Variants in SHE observed in about 807,000 individuals in gnomAD.
SHE encodes the protein SH2 domain-containing adapter protein E.
SHE carries 11 observed loss-of-function variants against 49.8 expected under a neutral mutation model. The observed-to-expected ratio is 0.22, with a 90% CI of 0.14 to 0.37. The LOEUF is 0.37. Ranked by LOEUF, SHE falls within the 10% of genes least tolerant of loss-of-function variation. SHE has a pLI of 1.00. For synonymous variants in SHE, 310 were observed against 278.1 expected (o/e 1.11, Z -1.14); for missense variants, 624 against 655.5 (o/e 0.95, Z 0.52).
At chr1:154,497,794 C>T (rs1049313500) in intron 2 of SHE, among the ~76,000 whole-genome samples, 1 of 151,940 alleles carries the variant, frequency 6.6e-6, no homozygotes, top group Admixed American at 6.6e-5. Flanking sequence ...GATTCTCCTG[C>T]CTCAGCCTCC....
In SHE at chr1:154,502,071, G is replaced by T. The variant is rs1025820423; in HGVS notation, c.-45C>A. On this transcript the variant is annotated 5_prime_UTR_variant, in exon 1 of 6. Transcript: ENST00000304760. ...GGAGGCCGCGGCGAGGCCCCGCGACGGCTGCTCCGTGCGCCCCCGGCCGGC... is the reference window on the plus strand; with the variant it reads ...GGAGGCCGCGGCGAGGCCCCGCGACTGCTGCTCCGTGCGCCCCCGGCCGGC... 17 of 1,236,682 alleles carry T rather than the reference G, an allele frequency of 1.4e-5. No homozygotes were observed. Among genetic ancestry groups the T allele is most frequent in the Admixed American group, 4.3e-5 (1 of 23,450 alleles). The allele number at this position is 1,236,682 out of a possible 1,614,324, so 76.6% of individuals were successfully genotyped here. A position where few individuals can be genotyped will look rare whatever the true frequency, so the allele number is the denominator to read the frequency against.
Position 154,480,593 on chromosome 1 carries a change from A to G in SHE, c.*3556T>C, listed in dbSNP as rs200321402. 5.9e-5 allele frequency: 58 copies of G among 985,490 alleles called. 1 individual carries two copies. In the East Asian group the frequency reaches 5.6e-3, roughly 94 times the overall value. The allele number at this position is 985,490 out of a possible 1,614,324, so 61.0% of individuals were successfully genotyped here. A position where few individuals can be genotyped will look rare whatever the true frequency, so the allele number is the denominator to read the frequency against. On this transcript the variant is annotated 3_prime_UTR_variant, in exon 6 of 6. Coordinates refer to ENST00000304760, the MANE Select transcript of SHE (RefSeq NM_001010846.3). Reference sequence around the variant, plus strand: ...ATCCTGCGGCAGAGGCTAGTACACAAATACCAATTCTGCAAAGTACGGAGA... The same window carrying G: ...ATCCTGCGGCAGAGGCTAGTACACAGATACCAATTCTGCAAAGTACGGAGA...
intron 1 of SHE, among the ~76,000 whole-genome samples, chr1:154,500,529 T>C (rs1692681319): frequency 6.6e-6 from 1 of 152,088 alleles, no homozygotes; most frequent in African/African-American, 2.4e-5. Context: ...AAGAGAAAAT[T>C]AAAGCTCCCA....
At chr1:154,476,946 T>C (rs1201578687), downstream of SHE, among the ~76,000 whole-genome samples, 1 of 152,224 alleles carries the variant, frequency 6.6e-6, no homozygotes, top group Non-Finnish European at 1.5e-5. Context: ...TCATACTACA[T>C]GATTCACAAA....
intron 5 of SHE, 96 bp downstream of exon 5, chr1:154,485,845 CCT>C: frequency 7.0e-7 from 1 of 1,436,212 alleles, no homozygotes; most frequent in Admixed American, 1.8e-5. Context: ...AATGCACACC[CCT>C]GTGAAACACC....
intron 2 of SHE, among the ~76,000 whole-genome samples, chr1:154,493,096 T>TAGG (rs1215038799): frequency 1.3e-5 from 2 of 152,240 alleles, no homozygotes; most frequent in African/African-American, 4.8e-5. Context: ...GTCCTTCTAT[T>TAGG]TAGACAGTCT....
At position 154,501,417 on chromosome 1, in the gene SHE, A is replaced by G; in HGVS notation, c.591+19T>C. On this transcript the variant is annotated intron_variant, in intron 1 of 5. Transcript: ENST00000304760. ...TCCCCTTCGACTGAGAGGTGGTCCA[A>G]GGGAGGCTGTATTCTTACCGTCTCT... The G allele has an allele frequency of 1.2e-6, 2 of 1,611,194 alleles. No individual in the cohort carries two copies. Among genetic ancestry groups the G allele is most frequent in the Non-Finnish European group, 1.7e-6 (2 of 1,177,994 alleles).
downstream of SHE, among the ~76,000 whole-genome samples, chr1:154,478,441 A>AAAC (rs1421167861): frequency 6.7e-6 from 1 of 149,602 alleles, no homozygotes; most frequent in African/African-American, 2.4e-5. Flanking sequence ...AAAAAAAAAA[A>AAAC]AAAAAAACAC....
At chr1:154,485,921 G>C in intron 5 of SHE, 22 bp downstream of exon 5, 5 of 1,607,788 alleles carry the variant, frequency 3.1e-6, no homozygotes, top group Non-Finnish European at 4.3e-6. Context: ...TGGAGATGAG[G>C]AAAGCCATGG....
intron 4 of SHE, 147 bp from the exon 5 acceptor site, chr1:154,486,209 A>C: frequency 8.7e-7 from 1 of 1,154,692 alleles, no homozygotes; most frequent in Non-Finnish European, 1.2e-6. Context: ...CATTCAGAAC[A>C]GACAAAATGC....
chr1:154,471,680 A>ACTCTCT (rs139560920), intron 1 of SHE, among the ~76,000 whole-genome samples: 7 of 149,346 alleles, frequency 4.7e-5, no homozygotes, highest in East Asian at 4.0e-4. Flanking sequence ...GTTTTTCAGT[A>ACTCTCT]CTCTCTCTCT....
In SHE at chr1:154,502,240, C is replaced by G; in HGVS notation, c.-214G>C. ...GCTCGTCTTCAACGCCTGCCCGGCC[C>G]GAGGACACCGTGGCTCTCGGAGGCG... is the stretch of plus-strand genomic sequence containing the variant. On this transcript the variant is annotated 5_prime_UTR_variant, in exon 1 of 6. Transcript: ENST00000304760. The G allele has an allele frequency of 3.9e-6, 1 of 256,658 alleles. No individual in the cohort carries two copies. The highest frequency in any genetic ancestry group is 7.1e-6 in the Non-Finnish European group (1 of 141,554). The allele number at this position is 256,658 out of a possible 1,614,324, so 15.9% of individuals were successfully genotyped here. A position where few individuals can be genotyped will look rare whatever the true frequency, so the allele number is the denominator to read the frequency against.
At chr1:154,493,060 G>GT (rs1165337755) in intron 2 of SHE, among the ~76,000 whole-genome samples, 1 of 152,178 alleles carries the variant, frequency 6.6e-6, no homozygotes, top group African/African-American at 2.4e-5. Flanking sequence ...TTACACACGC[G>GT]TTTGAGTTTT....
chr1:154,472,885 G>A (rs957404931), intron 1 of SHE, among the ~76,000 whole-genome samples: 2 of 152,176 alleles, frequency 1.3e-5, no homozygotes, highest in Admixed American at 6.5e-5. Flanking sequence ...CTACTGGCTG[G>A]GCGCAGTGGC....
chr1:154,497,301 A>G (rs988421490), intron 2 of SHE, among the ~76,000 whole-genome samples: 4 of 152,224 alleles, frequency 2.6e-5, no homozygotes, highest in Non-Finnish European at 4.4e-5. Context: ...CAGCTCTTCA[A>G]TCTGTTCTAA....
rs1692065718 is a variant in SHE at position 154,483,082 on chromosome 1, T to C, written c.*1067A>G. On this transcript the variant is annotated 3_prime_UTR_variant, in exon 6 of 6. Transcript: ENST00000304760. ...TTTCCAGAATTTTAAAATTCAGAAATGAAATTTTTGTTGTACCTTTTATTC... is the reference window on the plus strand; with the variant it reads ...TTTCCAGAATTTTAAAATTCAGAAACGAAATTTTTGTTGTACCTTTTATTC... The C allele has an allele frequency of 1.0e-6, 1 of 984,888 alleles. No individual in the cohort carries two copies. The highest frequency in any genetic ancestry group is 4.7e-5 in the South Asian group (1 of 21,282). The allele number at this position is 984,888 out of a possible 1,614,324, so 61.0% of individuals were successfully genotyped here. A position where few individuals can be genotyped will look rare whatever the true frequency, so the allele number is the denominator to read the frequency against.
In SHE at chr1:154,483,872, C is replaced by A. The variant is rs898204898; in HGVS notation, c.*277G>T. The A allele has an allele frequency of 1.2e-5, 12 of 979,564 alleles. No homozygotes were observed. The East Asian group carries it at 3.6e-4, about 29-fold the overall frequency. 60.7% of individuals were successfully genotyped at this position (979,564 alleles called of 1,614,324 possible). ...AATTAGCTGGGAGTGGTGGTGCGAA[C>A]CTATAGTCCCACCTACTTGGGAGGC... On this transcript the variant is annotated 3_prime_UTR_variant, in exon 6 of 6. Transcript: ENST00000304760.
downstream of SHE, among the ~76,000 whole-genome samples, chr1:154,474,834 A>G (rs968191833): frequency 6.6e-6 from 1 of 152,088 alleles, no homozygotes; most frequent in African/African-American, 2.4e-5. Context: ...TGGAAGCCTT[A>G]TTACATCCAC....
At chr1:154,472,804 T>C (rs1691776175) in intron 1 of SHE, among the ~76,000 whole-genome samples, 1 of 152,196 alleles carries the variant, frequency 6.6e-6, no homozygotes, top group African/African-American at 2.4e-5. Flanking sequence ...CCAACTGGCC[T>C]TACTGGTTAC....
Sources: allele counts gnomAD v4.1 joint callset (sites outside exome capture counted in the v4.1 genomes callset), GRCh38; gene constraint gnomAD v4.1.1; transcripts MANE v1.5; gene names NCBI Gene and HGNC (gene_info 2026-07-23, HGNC 2026-07-21).